TAOK1: variants seen among roughly 807,000 people sequenced by gnomAD.
TAOK1 encodes serine/threonine-protein kinase TAO1.
TAOK1 carries 21 observed loss-of-function variants against 138.3 expected under a neutral mutation model. The observed-to-expected ratio is 0.15, with a 90% CI of 0.11 to 0.22. The LOEUF is 0.22. Among genes scored for constraint, TAOK1 ranks in the 10% least tolerant of loss-of-function variants. The pLI, the probability that TAOK1 is intolerant of heterozygous loss-of-function variation, is 1.00. For missense variants in TAOK1, 651 were observed against 1,227.7 expected, an observed-to-expected ratio of 0.53 and a Z score of 7.02; for synonymous variants, 361 against 398.4, an observed-to-expected ratio of 0.91 and a Z score of 1.12.
At chr17:29,494,247 G>C (rs566600157) in intron 10 of TAOK1, among the ~76,000 whole-genome samples, 1 of 152,112 alleles carries the variant, frequency 6.6e-6, no homozygotes, top group South Asian at 2.1e-4. Context: ...GAATAAAATA[G>C]TGTATAGAGG....
chr17:29,537,628 AT>A (rs1217998487), intron 19 of TAOK1, among the ~76,000 whole-genome samples: 1 of 151,440 alleles, frequency 6.6e-6, no homozygotes, highest in Non-Finnish European at 1.5e-5. Flanking sequence ...AAGTGCTGAG[AT>A]TACAGGCATG....
chr17:29,425,572 G>A (rs754331643), intron 1 of TAOK1, among the ~76,000 whole-genome samples: 1 of 152,080 alleles, frequency 6.6e-6, no homozygotes, highest in Admixed American at 6.5e-5. Flanking sequence ...CCAGCTACTC[G>A]GGAGGCTGAG....
intron 2 of TAOK1, among the ~76,000 whole-genome samples, chr17:29,458,779 C>G (rs2030457954): frequency 6.6e-6 from 1 of 152,226 alleles, no homozygotes; most frequent in African/African-American, 2.4e-5. Flanking sequence ...ACTGCAACCT[C>G]TGCCTCCTGG....
chr17:29,428,319 G>A (rs1567715646), intron 1 of TAOK1, among the ~76,000 whole-genome samples: 2 of 152,172 alleles, frequency 1.3e-5, no homozygotes, highest in Non-Finnish European at 2.9e-5. Context: ...GAATGCTTGA[G>A]AGGTGTTTTG....
intron 8 of TAOK1, among the ~76,000 whole-genome samples, chr17:29,486,302 A>AG (rs1227678618): frequency 6.6e-5 from 10 of 152,156 alleles, no homozygotes. Flanking sequence ...AAAAGAAAAA[A>AG]AAGTTTAGTA....
intron 1 of TAOK1, among the ~76,000 whole-genome samples, chr17:29,406,803 A>G (rs1905005115): frequency 2.0e-5 from 3 of 152,162 alleles, no homozygotes; most frequent in Non-Finnish European, 4.4e-5. Flanking sequence ...CCCGGGCTAA[A>G]GTGATCCTCA....
chr17:29,522,152 T>G, intron 16 of TAOK1, 128 bp from the exon 17 acceptor site: 1 of 1,237,288 alleles, frequency 8.1e-7, no homozygotes, highest in Non-Finnish European at 1.1e-6. Context: ...ACCCTCTTAT[T>G]TACTATGCAA....
intron 19 of TAOK1, among the ~76,000 whole-genome samples, chr17:29,535,027 A>C (rs1298265920): frequency 6.6e-6 from 1 of 151,904 alleles, no homozygotes; most frequent in Non-Finnish European, 1.5e-5. Flanking sequence ...CATTTGTTGC[A>C]AGAAGTGGTA....
intron 2 of TAOK1, among the ~76,000 whole-genome samples, chr17:29,456,086 G>A (rs1035774257): frequency 6.6e-6 from 1 of 150,410 alleles, no homozygotes; most frequent in Admixed American, 6.6e-5. Flanking sequence ...GGTGGCTCAT[G>A]CCTGTAATCC....
At chr17:29,440,911 T>TA (rs1284810049) in intron 1 of TAOK1, among the ~76,000 whole-genome samples, 4 of 152,212 alleles carry the variant, frequency 2.6e-5, no homozygotes, top group Non-Finnish European at 5.9e-5. Context: ...TGTTGCATTT[T>TA]ATCAAATGCG....
chr17:29,418,475 G>T (rs1411613773), intron 1 of TAOK1, among the ~76,000 whole-genome samples: 1 of 152,126 alleles, frequency 6.6e-6, no homozygotes, highest in Non-Finnish European at 1.5e-5. Flanking sequence ...AAAGTGCTGG[G>T]ATTACAGGTG....
At chr17:29,455,543 G>C (rs2038660742) in intron 2 of TAOK1, among the ~76,000 whole-genome samples, 1 of 150,544 alleles carries the variant, frequency 6.6e-6, no homozygotes, top group Non-Finnish European at 1.5e-5. Flanking sequence ...ATGTTGTCTT[G>C]TTCCTGATAG....
At chr17:29,494,849 GAATT>G (rs1416589240) in intron 10 of TAOK1, among the ~76,000 whole-genome samples, 9 of 124,630 alleles carry the variant, frequency 7.2e-5, no homozygotes, top group African/African-American at 2.4e-4. Flanking sequence ...AAAAAAAAAA[GAATT>G]CAAGGATATT....
At position 29,539,200 on chromosome 17, in the gene TAOK1, TTGC is replaced by T. The variant is rs1318381467; in HGVS notation, c.2545-3360_2545-3358del. 8.6e-5 allele frequency among the ~76,000 whole-genome samples: 13 copies of T among 151,906 alleles called. No individual in the cohort carries two copies. In the South Asian group the frequency reaches 2.7e-3, roughly 31 times the overall value. On this transcript the variant is annotated intron_variant, in intron 19 of 19. Coordinates refer to ENST00000261716, the MANE Select transcript of TAOK1 (RefSeq NM_020791.4). ...ATTGCTTGAACCTGAGAGGTAGAGG[TTGC>T]AGTGAGCCAAGATTGCACCACTGCA...
Position 29,423,245 on chromosome 17 carries a change from A to C in TAOK1, c.-94-28210A>C, listed in dbSNP as rs189737967. Among the ~76,000 whole-genome samples the C allele has an allele frequency of 1.4e-3, 189 of 135,206 alleles. 2 individuals carry two copies. The highest frequency in any genetic ancestry group is 4.9e-3 in the African/African-American group (173 of 35,202). 88.7% of individuals were successfully genotyped at this position (135,206 alleles called of 152,430 possible). Reference sequence around the variant, plus strand: ...TTTTCTTTTTTTTTTTTTGAGACAGAGTCTCCCTCTGTCTCCCAGGCTGGA... The same window carrying C: ...TTTTCTTTTTTTTTTTTTGAGACAGCGTCTCCCTCTGTCTCCCAGGCTGGA... On this transcript the variant is annotated intron_variant, in intron 1 of 19. Coordinates refer to ENST00000261716, the MANE Select transcript of TAOK1 (RefSeq NM_020791.4).
chr17:29,510,027 A>G (rs941766085), intron 14 of TAOK1, among the ~76,000 whole-genome samples: 3 of 151,660 alleles, frequency 2.0e-5, no homozygotes, highest in African/African-American at 7.3e-5. Context: ...AATTATATAC[A>G]TGCAAATATA....
intron 19 of TAOK1, among the ~76,000 whole-genome samples, chr17:29,534,928 GGTGTGTGTGTGTGTGTGTGT>G (rs71138832): frequency 6.8e-6 from 1 of 147,222 alleles, no homozygotes; most frequent in African/African-American, 2.5e-5. Context: ...AGGATACTAA[GGTGTGTGTGTGTGTGTGTGT>G]GTGTGTGTGT....
chr17:29,475,916 C>T (rs2030932992), intron 4 of TAOK1, 145 bp downstream of exon 4: 1 of 680,122 alleles, frequency 1.5e-6, no homozygotes. Flanking sequence ...AGCAATATTT[C>T]CTAGAACTTG....
intron 2 of TAOK1, among the ~76,000 whole-genome samples, chr17:29,464,581 A>G (rs1157564238): frequency 1.3e-5 from 2 of 152,232 alleles, no homozygotes. Context: ...TTATTTCTCA[A>G]TAAAGCTGTT....
Sources: allele counts gnomAD v4.1 joint callset (sites outside exome capture counted in the v4.1 genomes callset), GRCh38; gene constraint gnomAD v4.1.1; transcripts MANE v1.5; gene names NCBI Gene and HGNC (gene_info 2026-07-23, HGNC 2026-07-21).